TPO: variants seen among roughly 807,000 people sequenced by gnomAD.
The protein encoded by TPO is thyroid microsomal antigen.
In TPO, 78 loss-of-function variants were observed where a neutral mutation model predicts 96.9. The ratio of observed to expected loss-of-function variants is 0.81; its 90% CI spans 0.67 to 0.97. The LOEUF (loss-of-function observed/expected upper bound fraction) is 0.97. Among genes scored for constraint, TPO ranks in the 50% least tolerant of loss-of-function variants. TPO has a pLI of 0.00. For synonymous variants in TPO, 547 were observed against 538.0 expected (o/e 1.02, Z -0.23); for missense variants, 1,252 against 1,274.8 (o/e 0.98, Z 0.27).
intron 1 of TPO, among the ~76,000 whole-genome samples, chr2:1,376,708 C>A (rs1395163757): frequency 6.6e-6 from 1 of 152,102 alleles, no homozygotes; most frequent in South Asian, 2.1e-4. Context: ...TCACACCACC[C>A]CTTTCTCCTG....
intron 8 of TPO, 152 bp downstream of exon 8, chr2:1,477,756 T>G (rs1670123020): frequency 7.2e-7 from 1 of 1,385,194 alleles, no homozygotes; most frequent in Non-Finnish European, 9.3e-7. Context: ...TGGGGCCCTG[T>G]GTGGGTGCGC....
At chr2:1,486,400 T>G (rs550886713) in intron 9 of TPO, among the ~76,000 whole-genome samples, 1 of 151,940 alleles carries the variant, frequency 6.6e-6, no homozygotes. Flanking sequence ...TAGCCGTGTG[T>G]GGTGGCAGAT....
chr2:1,422,320 C>CTCGTGCAGGCGCCTCTCCTGGACAGACT (rs1558264118), intron 2 of TPO, among the ~76,000 whole-genome samples: 3 of 131,368 alleles, frequency 2.3e-5, no homozygotes, highest in Admixed American at 7.9e-5. Context: ...CTGGACAGAC[C>CTCGTGCAGGCGCCTCTCCTGGACAGACT]TCGTGCAGGC....
intron 7 of TPO, among the ~76,000 whole-genome samples, chr2:1,473,147 T>C (rs1465591873): frequency 6.6e-6 from 1 of 152,204 alleles, no homozygotes; most frequent in Non-Finnish European, 1.5e-5. Context: ...CAGGTCTACT[T>C]ATGTGTTGAT....
intron 8 of TPO, among the ~76,000 whole-genome samples, chr2:1,481,705 G>T (rs1416008068): frequency 6.6e-6 from 1 of 152,224 alleles, no homozygotes. Flanking sequence ...ATAAAGTCAT[G>T]CTTCCAAGGC....
intron 8 of TPO, among the ~76,000 whole-genome samples, chr2:1,483,392 G>A (rs1402753659): frequency 1.3e-5 from 2 of 152,158 alleles, no homozygotes; most frequent in African/African-American, 4.8e-5. Flanking sequence ...TCAGTCCCTG[G>A]GCTAAAAAGA....
intron 1 of TPO, among the ~76,000 whole-genome samples, chr2:1,407,357 G>T (rs1241273758): frequency 6.6e-6 from 1 of 152,124 alleles, no homozygotes; most frequent in African/African-American, 2.4e-5. Flanking sequence ...ATTGAGAAAA[G>T]GGGTGTGTTA....
chr2:1,485,551 T>A (rs1671078966), intron 9 of TPO, among the ~76,000 whole-genome samples: 1 of 151,650 alleles, frequency 6.6e-6, no homozygotes, highest in Non-Finnish European at 1.5e-5. Flanking sequence ...TTTCTCCACA[T>A]CCTCTCCAGC....
At chr2:1,478,444 C>G (rs1670198670) in intron 8 of TPO, 11 of 973,848 alleles carry the variant, frequency 1.1e-5, no homozygotes, top group Non-Finnish European at 1.3e-5. Flanking sequence ...GGCACTGGAG[C>G]CTTGTCCGAG....
intron 7 of TPO, among the ~76,000 whole-genome samples, chr2:1,472,850 A>G (rs899961167): frequency 7.3e-6 from 1 of 137,834 alleles, no homozygotes; most frequent in African/African-American, 2.6e-5. Flanking sequence ...AAAAAAAAAA[A>G]AGGAGAGAGA....
intron 8 of TPO, chr2:1,478,203 A>G: frequency 1.0e-6 from 1 of 985,388 alleles, no homozygotes; most frequent in Non-Finnish European, 1.2e-6. Context: ...TTGAATGGAG[A>G]GTCAAGTTGG....
In TPO at chr2:1,383,257, GGT is replaced by G. The variant is rs1413639416; in HGVS notation, n.180+8856_180+8857del. On this transcript the variant is annotated intron_variant and non_coding_transcript_variant, in intron 1 of 5. Transcript: ENST00000497517. ...TATATACCCAGTAATGGGATGGCTG[GGT>G]CAAATGGTATTTCCAGTTCTAGATT... 1.2e-4 allele frequency among the ~76,000 whole-genome samples: 18 copies of G among 152,190 alleles called. No individual in the cohort carries two copies. The South Asian group carries it at 2.1e-3, about 18-fold the overall frequency.
intron 1 of TPO, among the ~76,000 whole-genome samples, chr2:1,402,129 G>A (rs369047943): frequency 1.4e-4 from 22 of 152,292 alleles, no homozygotes; most frequent in African/African-American, 4.8e-4. Flanking sequence ...TGTGGATTCC[G>A]TATGCAGCCA....
rs142248718 is a variant in TPO at position 1,459,946 on chromosome 2, C to CT, written c.819+3679dup. On this transcript the variant is annotated intron_variant, in intron 7 of 16. Transcript: ENST00000329066. ...ACCTCTAACCTGGGATTCTTTCTTT[C>CT]TTTTTTTTTTTTTTTGAGCTGGAGT... Among the ~76,000 whole-genome samples the CT allele has an allele frequency of 2.4e-3, 340 of 140,082 alleles. 1 individual carries two copies. Among genetic ancestry groups the CT allele is most frequent in the Non-Finnish European group, 3.7e-3 (239 of 64,790 alleles). The allele number at this position is 140,082 out of a possible 152,430, so 91.9% of individuals were successfully genotyped here.
chr2:1,482,311 T>G (rs1374148927), intron 8 of TPO, among the ~76,000 whole-genome samples: 2 of 152,134 alleles, frequency 1.3e-5, no homozygotes, highest in Non-Finnish European at 2.9e-5. Flanking sequence ...TCATTCCCAC[T>G]GGTGAGTTGT....
chr2:1,522,117 C>T (rs1268446847), intron 15 of TPO, among the ~76,000 whole-genome samples: 2 of 148,716 alleles, frequency 1.3e-5, no homozygotes, highest in Admixed American at 6.7e-5. Context: ...GTCTCTCTAC[C>T]CGACACCGGC....
intron 7 of TPO, among the ~76,000 whole-genome samples, chr2:1,464,975 G>A (rs1048640666): frequency 2.6e-5 from 4 of 152,196 alleles, no homozygotes; most frequent in South Asian, 2.1e-4. Context: ...ATCCTTGCCT[G>A]AGCCAATAGC....
chr2:1,374,915 G>A (rs1337766622), intron 1 of TPO, among the ~76,000 whole-genome samples: 1 of 151,662 alleles, frequency 6.6e-6, no homozygotes, highest in Non-Finnish European at 1.5e-5. Flanking sequence ...ATTTTTAGTA[G>A]AGACGGGGTT....
intron 14 of TPO, among the ~76,000 whole-genome samples, chr2:1,506,039 C>A (rs1673424390): frequency 6.6e-6 from 1 of 151,512 alleles, no homozygotes. Flanking sequence ...TTCCCCCCTC[C>A]CCCAACCCCA....
Sources: gnomAD v4.1 joint callset for allele counts (sites outside exome capture counted in the v4.1 genomes callset) on GRCh38, gnomAD v4.1.1 for gene constraint, MANE v1.5 for transcripts, NCBI Gene and HGNC (gene_info 2026-07-23, HGNC 2026-07-21) for gene names.